The following COL21A1 variants were observed in gnomAD, a reference collection of about 807,000 sequenced individuals.
The protein encoded by COL21A1 is collagen type XXI alpha 1 chain, also known as collagen alpha-1(XXI) chain.
COL21A1 carries 149 observed loss-of-function variants against 137.9 expected under a neutral mutation model. The observed-to-expected ratio is 1.08, with a 90% CI of 0.95 to 1.24. The LOEUF is 1.24. Ranked by LOEUF, COL21A1 falls within the 50% of genes most tolerant of loss-of-function variation. The pLI is 0.00. For missense variants in COL21A1, 1,167 were observed against 1,158.4 expected (o/e 1.01, Z -0.11); for synonymous variants, 456 against 391.5 (o/e 1.16, Z -1.95).
At chr6:56,134,992 A>G (rs1773872446) in intron 12 of COL21A1, among the ~76,000 whole-genome samples, 1 of 152,176 alleles carries the variant, frequency 6.6e-6, no homozygotes. Flanking sequence ...ATGCTTACCT[A>G]ACTTTACTCC....
At chr6:56,303,100 G>C (rs1452895271) in intron 1 of COL21A1, among the ~76,000 whole-genome samples, 2 of 152,140 alleles carry the variant, frequency 1.3e-5, no homozygotes, top group African/African-American at 2.4e-5. Flanking sequence ...TCTCTGTTTT[G>C]GTACCAGTAC....
intron 19 of COL21A1, among the ~76,000 whole-genome samples, chr6:56,074,759 T>C (rs943229432): frequency 1.3e-5 from 2 of 151,426 alleles, no homozygotes; most frequent in African/African-American, 2.4e-5. Context: ...GTATCTTTAA[T>C]CATAACATTC....
chr6:56,082,787 A>T (rs554594129), intron 17 of COL21A1, among the ~76,000 whole-genome samples: 15 of 152,020 alleles, frequency 9.9e-5, no homozygotes, highest in African/African-American at 3.4e-4. Flanking sequence ...TGAATTTTTA[A>T]ACTTAATTTA....
At chr6:56,165,112 A>G (rs1776474530) in intron 7 of COL21A1, among the ~76,000 whole-genome samples, 1 of 152,192 alleles carries the variant, frequency 6.6e-6, no homozygotes, top group Non-Finnish European at 1.5e-5. Context: ...ATTAAAAAAT[A>G]CCTCCAGATG....
At chr6:56,281,734 T>A (rs1471802037) in intron 1 of COL21A1, among the ~76,000 whole-genome samples, 2 of 152,058 alleles carry the variant, frequency 1.3e-5, no homozygotes, top group Non-Finnish European at 2.9e-5. Flanking sequence ...GTTTGAAAAA[T>A]TAAGAAATAA....
chr6:56,246,881 C>CT (rs1562022322), intron 1 of COL21A1, among the ~76,000 whole-genome samples: 1 of 152,018 alleles, frequency 6.6e-6, no homozygotes, highest in African/African-American at 2.4e-5. Flanking sequence ...GTCCCACCCC[C>CT]AGAGATTCTG....
intron 28 of COL21A1, among the ~76,000 whole-genome samples, 189 bp from the exon 29 acceptor site, chr6:56,059,431 C>T (rs1304759576): frequency 6.6e-6 from 1 of 151,968 alleles, no homozygotes; most frequent in Non-Finnish European, 1.5e-5. Flanking sequence ...GGTTTAGATC[C>T]AAGACTTAAT....
intron 1 of COL21A1, among the ~76,000 whole-genome samples, chr6:56,266,415 T>G (rs1362565088): frequency 1.3e-5 from 2 of 152,242 alleles, no homozygotes; most frequent in African/African-American, 4.8e-5. Flanking sequence ...GAGGTTTGTC[T>G]GCATATTGTC....
intron 1 of COL21A1, 115 bp from the exon 2 acceptor site, chr6:56,182,771 A>G (rs1407751258): frequency 8.5e-6 from 5 of 587,612 alleles, no homozygotes; most frequent in African/African-American, 7.4e-5. Context: ...TGTGACTATT[A>G]GAATTAACTT....
At chr6:56,191,326 C>A (rs1778657378) in intron 1 of COL21A1, among the ~76,000 whole-genome samples, 1 of 151,796 alleles carries the variant, frequency 6.6e-6, no homozygotes, top group African/African-American at 2.4e-5. Flanking sequence ...AAACAGAGAG[C>A]CAATAATCCC....
At chr6:56,334,935 G>A (rs1261108056) in intron 1 of COL21A1, among the ~76,000 whole-genome samples, 1 of 152,126 alleles carries the variant, frequency 6.6e-6, no homozygotes, top group Non-Finnish European at 1.5e-5. Context: ...CACACCAAAT[G>A]CTGGCACCAT....
intron 1 of COL21A1, among the ~76,000 whole-genome samples, chr6:56,356,298 T>C (rs1765826734): frequency 1.3e-5 from 2 of 152,134 alleles, no homozygotes; most frequent in African/African-American, 2.4e-5. Context: ...ATCTCAGCAC[T>C]ATTGACATTT....
In COL21A1 at chr6:56,307,838, G is replaced by A. The variant is rs537918205; in HGVS notation, c.-39+86133C>T. 2.0e-3 allele frequency among the ~76,000 whole-genome samples: 303 copies of A among 152,226 alleles called. 1 individual carries two copies. The highest frequency in any genetic ancestry group is 6.9e-3 in the African/African-American group (287 of 41,532). On this transcript the variant is annotated intron_variant, in intron 1 of 28. Transcript: ENST00000370819. ...CTCACCCTGGGAGCTGTAGACTGGA[G>A]CTGTTCCTATTCGGCCATCTTGGCT...
chr6:56,259,927 A>G (rs1763211027), intron 1 of COL21A1, among the ~76,000 whole-genome samples: 1 of 152,240 alleles, frequency 6.6e-6, no homozygotes, highest in South Asian at 2.1e-4. Flanking sequence ...TCTATGCTGT[A>G]ATATGATATC....
intron 10 of COL21A1, among the ~76,000 whole-genome samples, chr6:56,154,430 A>T (rs1366206537): frequency 1.3e-5 from 2 of 152,202 alleles, no homozygotes; most frequent in African/African-American, 2.4e-5. Context: ...AAATGGCACC[A>T]CAATTCACCC....
intron 9 of COL21A1, among the ~76,000 whole-genome samples, chr6:56,158,275 T>C (rs1325090773): frequency 6.3e-4 from 85 of 135,072 alleles, no homozygotes; most frequent in African/African-American, 2.2e-3. Flanking sequence ...TCTTTTTTTT[T>C]TTTTTTTTTT....
chr6:56,152,042 C>G (rs1314363651), intron 10 of COL21A1, among the ~76,000 whole-genome samples: 2 of 152,156 alleles, frequency 1.3e-5, no homozygotes, highest in African/African-American at 4.8e-5. Flanking sequence ...AACAAATTAC[C>G]CCAAACACAG....
chr6:56,170,835 T>C lies in COL21A1; in HGVS notation c.840A>G (p.Ser280=), dbSNP rs577206382. ...SNVFPEGLPP[S]YVFVSTQRFK... is the part of the protein sequence containing the mutation. The stretch of plus-strand genomic sequence containing the variant: ...ATCTTTGAGTAGACACAAATACATA[T>C]GATGGAGGAAGACCTTCTGGGAAAA... The change falls in exon 5 of 30, where the codon TCA becomes TCG. Residue 280 remains serine (S), a synonymous_variant. Transcript: ENST00000244728. 43 of 1,610,938 alleles carry C rather than the reference T, an allele frequency of 2.7e-5. No homozygotes were observed. Among genetic ancestry groups the C allele is most frequent in the Non-Finnish European group, 3.5e-5 (41 of 1,178,164 alleles).
chr6:56,163,378 G>A (rs1353032122), intron 9 of COL21A1, among the ~76,000 whole-genome samples: 1 of 152,164 alleles, frequency 6.6e-6, no homozygotes. Context: ...TACTTAGGCT[G>A]TGTCTAAGTG....
Sources: gnomAD v4.1 joint callset for allele counts (sites outside exome capture counted in the v4.1 genomes callset) on GRCh38, gnomAD v4.1.1 for gene constraint, MANE v1.5 for transcripts, NCBI Gene and HGNC (gene_info 2026-07-23, HGNC 2026-07-21) for gene names.